Variants in FHIP1A observed in about 807,000 individuals in gnomAD.
FHIP1A encodes FHF complex subunit HOOK interacting protein 1A, also known as FHF complex subunit HOOK-interacting protein 1A.
Under a neutral mutation model 88.6 loss-of-function variants are expected in FHIP1A, and 61 were observed. That is an observed-to-expected ratio of 0.69 (90% CI 0.56 to 0.85). FHIP1A has a LOEUF of 0.85. Ranked by LOEUF, FHIP1A falls within the 40% of genes least tolerant of loss-of-function variation. The probability of loss-of-function intolerance (pLI) is 0.00; values close to 1 mark genes in which losing one functional copy is unlikely to be tolerated. For missense variants in FHIP1A, 1,154 were observed against 1,273.5 expected (o/e 0.91, Z 1.43); for synonymous variants, 478 against 496.0 (o/e 0.96, Z 0.48).
At chr4:151,444,346 G>T (rs901598768) in intron 1 of FHIP1A, among the ~76,000 whole-genome samples, 1 of 151,924 alleles carries the variant, frequency 6.6e-6, no homozygotes, top group African/African-American at 2.4e-5. Context: ...CTTTTATTTT[G>T]CTTTTTAAAA....
chr4:151,548,505 G>A (rs1732594027), intron 3 of FHIP1A, among the ~76,000 whole-genome samples: 1 of 152,196 alleles, frequency 6.6e-6, no homozygotes, highest in South Asian at 2.1e-4. Context: ...GAAAAAGCCA[G>A]CTAAAACCCA....
intron 9 of FHIP1A, among the ~76,000 whole-genome samples, chr4:151,639,563 T>A (rs189995452): frequency 1.3e-5 from 2 of 152,322 alleles, no homozygotes; most frequent in Admixed American, 6.5e-5. Context: ...AAACTCCTGG[T>A]TAGACCATGG....
intron 8 of FHIP1A, among the ~76,000 whole-genome samples, chr4:151,636,487 C>A (rs991431441): frequency 6.6e-6 from 1 of 151,898 alleles, no homozygotes; most frequent in African/African-American, 2.4e-5. Flanking sequence ...AGATGACATG[C>A]TCTTGTATGT....
intron 2 of FHIP1A, among the ~76,000 whole-genome samples, chr4:151,476,214 T>C (rs867974091): frequency 3.5e-5 from 5 of 142,192 alleles, no homozygotes; most frequent in Admixed American, 1.5e-4. Flanking sequence ...AGATCATGGC[T>C]CACTGTGGCC....
In FHIP1A at chr4:151,667,341, TAAATCACATCACTGAGGA is replaced by T. The variant is rs1737701410; in HGVS notation, c.*4590_*4607del. On this transcript the variant is annotated 3_prime_UTR_variant, in exon 14 of 14. Transcript: ENST00000435205. Reference sequence around the variant, plus strand: ...GTCAAACCACTTTATGTTCCACCCTTAAATCACATCACTGAGGAAACACTGTAAGAGAATGCAGTTGAC... The same window carrying T: ...GTCAAACCACTTTATGTTCCACCCTTAACACTGTAAGAGAATGCAGTTGAC... The T allele has an allele frequency of 6.6e-6, 1 of 152,242 alleles. No homozygotes were observed. The highest frequency in any genetic ancestry group is 1.5e-5 in the Non-Finnish European group (1 of 68,044). 9.4% of individuals were successfully genotyped at this position (152,242 alleles called of 1,614,324 possible). A position where few individuals can be genotyped will look rare whatever the true frequency, so the allele number is the denominator to read the frequency against.
intron 1 of FHIP1A, among the ~76,000 whole-genome samples, chr4:151,448,672 T>G (rs1328472895): frequency 1.3e-5 from 2 of 152,214 alleles, no homozygotes; most frequent in Non-Finnish European, 2.9e-5. Context: ...CTCCAGTGTA[T>G]GTGTATATTC....
intron 5 of FHIP1A, among the ~76,000 whole-genome samples, chr4:151,586,412 T>C (rs553509940): frequency 6.6e-6 from 1 of 152,348 alleles, no homozygotes; most frequent in East Asian, 1.9e-4. Context: ...CATGTGTATA[T>C]TAGCCAGATA....
At chr4:151,433,377 G>C (rs566455184) in intron 1 of FHIP1A, among the ~76,000 whole-genome samples, 1 of 151,898 alleles carries the variant, frequency 6.6e-6, no homozygotes, top group African/African-American at 2.4e-5. Context: ...ATGAGATGTG[G>C]AAAGTTAGGG....
At position 151,638,343 on chromosome 4, in the gene FHIP1A, G is replaced by GTA. The variant is rs746209621; in HGVS notation, c.1147-333_1147-332insAT. Among the ~76,000 whole-genome samples, 735 of 151,844 alleles carry GTA rather than the reference G, an allele frequency of 4.8e-3. 7 individuals are homozygous for GTA. Among genetic ancestry groups the GTA allele is most frequent in the Non-Finnish European group, 5.3e-3 (361 of 67,900 alleles). ...TGTGTGTGTGTGTGTGTGTGTGTGTGTGTATGTGAGAGAGAGAGAGAGAAT... is the reference window on the plus strand; with the variant it reads ...TGTGTGTGTGTGTGTGTGTGTGTGTGTATGTATGTGAGAGAGAGAGAGAGAAT... On this transcript the variant is annotated intron_variant, in intron 8 of 13. Coordinates refer to ENST00000435205, the MANE Select transcript of FHIP1A (RefSeq NM_001109977.3).
chr4:151,619,114 A>G (rs114673477), intron 7 of FHIP1A, among the ~76,000 whole-genome samples: 1,908 of 152,310 alleles, frequency 0.013, 37 homozygotes, highest in African/African-American at 0.044. Flanking sequence ...GCCAGCTCTC[A>G]GGGAGGGGTT....
chr4:151,583,078 C>T (rs1734083016), intron 5 of FHIP1A, among the ~76,000 whole-genome samples: 1 of 152,162 alleles, frequency 6.6e-6, no homozygotes, highest in African/African-American at 2.4e-5. Flanking sequence ...AACTTGTTCA[C>T]TACTCTTTCC....
chr4:151,658,676 G>T (rs1300922857), intron 13 of FHIP1A, among the ~76,000 whole-genome samples: 1 of 152,194 alleles, frequency 6.6e-6, no homozygotes, highest in Non-Finnish European at 1.5e-5. Context: ...GATGGGAAGA[G>T]TGGGAAGAGC....
chr4:151,442,741 A>G (rs1222505970), intron 1 of FHIP1A, among the ~76,000 whole-genome samples: 2 of 152,070 alleles, frequency 1.3e-5, no homozygotes, highest in Admixed American at 1.3e-4. Context: ...TTGGGAAGCT[A>G]TTAGTTGGAT....
chr4:151,494,791 CCT>C, intron 3 of FHIP1A, among the ~76,000 whole-genome samples: 2 of 152,268 alleles, frequency 1.3e-5, no homozygotes, highest in East Asian at 3.9e-4. Flanking sequence ...ATTTATTCTT[CCT>C]CTCCATGAGC....
At chr4:151,605,777 G>T (rs1422337045) in intron 7 of FHIP1A, among the ~76,000 whole-genome samples, 1 of 152,166 alleles carries the variant, frequency 6.6e-6, no homozygotes, top group Non-Finnish European at 1.5e-5. Flanking sequence ...TTAGGTTGAT[G>T]GATGGAAGTT....
chr4:151,444,101 C>T (rs1162951876), intron 1 of FHIP1A, among the ~76,000 whole-genome samples: 3 of 152,036 alleles, frequency 2.0e-5, no homozygotes, highest in Non-Finnish European at 2.9e-5. Flanking sequence ...AGCTTTCCCC[C>T]GTTTCGTCTG....
In FHIP1A at chr4:151,411,339, T is replaced by TTA. The variant is rs200127624; in HGVS notation, c.-356+1884_-356+1885dup. Among the ~76,000 whole-genome samples, 231 of 87,320 alleles carry TTA rather than the reference T, an allele frequency of 2.6e-3. 4 individuals are homozygous for TTA. In the East Asian group the frequency reaches 0.033, roughly 12 times the overall value. 57.3% of individuals were successfully genotyped at this position (87,320 alleles called of 152,430 possible). A position where few individuals can be genotyped will look rare whatever the true frequency, so the allele number is the denominator to read the frequency against. On this transcript the variant is annotated intron_variant, in intron 1 of 13. Coordinates refer to ENST00000435205, the MANE Select transcript of FHIP1A (RefSeq NM_001109977.3). ...CAAGAATTGCCTCTGAGGAGTGAAA[T>TTA]TATATATATATTTTTTTTTTTTTAA... is the stretch of plus-strand genomic sequence containing the variant.
intron 4 of FHIP1A, 120 bp from the exon 5 acceptor site, chr4:151,577,330 A>C (rs1560778212): frequency 1.2e-6 from 1 of 837,830 alleles, no homozygotes; most frequent in African/African-American, 1.7e-5. Flanking sequence ...CAATGCCCAC[A>C]CATATCTTGT....
intron 3 of FHIP1A, among the ~76,000 whole-genome samples, chr4:151,518,142 G>A (rs112825466): frequency 1.4e-3 from 219 of 152,234 alleles, no homozygotes; most frequent in African/African-American, 5.1e-3. Flanking sequence ...CTCTATTCAT[G>A]GTAAGTGCCC....
Sources: allele counts gnomAD v4.1 joint callset (sites outside exome capture counted in the v4.1 genomes callset), GRCh38; gene constraint gnomAD v4.1.1; transcripts MANE v1.5; gene names NCBI Gene and HGNC (gene_info 2026-07-23, HGNC 2026-07-21).